Variants in TESC observed in about 807,000 individuals in gnomAD.
TESC encodes tescalcin, also known as calcineurin B homologous protein 3.
In TESC, 19 loss-of-function variants were observed where a neutral mutation model predicts 31.0. The observed-to-expected ratio is 0.61, with a 90% CI of 0.43 to 0.90. The LOEUF (loss-of-function observed/expected upper bound fraction) is 0.90. Among genes scored for constraint, TESC ranks in the 40% least tolerant of loss-of-function variants. The pLI, the probability that TESC is intolerant of heterozygous loss-of-function variation, is 0.00. For missense variants in TESC, 248 were observed against 303.8 expected (o/e 0.82, Z 1.36); for synonymous variants, 109 against 114.8 (o/e 0.95, Z 0.32).
intron 7 of TESC, among the ~76,000 whole-genome samples, chr12:117,041,339 CTTT>C (rs148886866): frequency 1.4e-4 from 21 of 146,940 alleles, no homozygotes; most frequent in African/African-American, 5.2e-4. Flanking sequence ...ACAACAGGGC[CTTT>C]TTTTTTTTGA....
At chr12:117,039,241 G>A (rs757259566) in intron 7 of TESC, 31 bp from the exon 8 acceptor site, 15 of 1,594,916 alleles carry the variant, frequency 9.4e-6, no homozygotes, top group East Asian at 2.3e-5. Context: ...TTAAGGGCAC[G>A]TTCCCGCCGC....
intron 1 of TESC, among the ~76,000 whole-genome samples, chr12:117,094,117 C>T (rs1003358635): frequency 6.6e-6 from 1 of 152,158 alleles, no homozygotes; most frequent in African/African-American, 2.4e-5. Context: ...TCAATCACAC[C>T]CCCGGGACGC....
rs189487447 is a variant in TESC at position 117,039,078 on chromosome 12, C to T, written c.*55G>A. On this transcript the variant is annotated 3_prime_UTR_variant, in exon 8 of 8. Coordinates refer to ENST00000335209, the MANE Select transcript of TESC (RefSeq NM_017899.4). Reference sequence around the variant, plus strand: ...CGCCGGGCCTGGGCTGCTCCAGCTACGCGGGGAGGCGGCCCCATTGCAAAG... The same window carrying T: ...CGCCGGGCCTGGGCTGCTCCAGCTATGCGGGGAGGCGGCCCCATTGCAAAG... 3.6e-4 allele frequency: 567 copies of T among 1,587,108 alleles called. No homozygotes were observed. The highest frequency in any genetic ancestry group is 1.7e-3 in the Admixed American group (96 of 57,292).
At chr12:117,078,606 A>G (rs1332244061) in intron 1 of TESC, among the ~76,000 whole-genome samples, 1 of 152,194 alleles carries the variant, frequency 6.6e-6, no homozygotes, top group African/African-American at 2.4e-5. Flanking sequence ...ACAGTTGTGT[A>G]TTTGCATAGA....
At chr12:117,045,641 C>A (rs1298606753) in intron 6 of TESC, among the ~76,000 whole-genome samples, 1 of 152,196 alleles carries the variant, frequency 6.6e-6, no homozygotes, top group Non-Finnish European at 1.5e-5. Context: ...AGGCCCAGGC[C>A]GGTGGCCTCA....
intron 1 of TESC, among the ~76,000 whole-genome samples, chr12:117,084,513 G>C (rs769485378): frequency 6.6e-5 from 10 of 152,260 alleles, no homozygotes; most frequent in Non-Finnish European, 1.5e-4. Flanking sequence ...GAATGCTGGG[G>C]TAAGCGCATT....
In TESC at chr12:117,039,064, G is replaced by A. The variant is rs1954442313; in HGVS notation, c.*69C>T. 4 of 1,563,124 alleles carry A rather than the reference G, an allele frequency of 2.6e-6. No individual in the cohort carries two copies. Among genetic ancestry groups the A allele is most frequent in the Non-Finnish European group, 3.5e-6 (4 of 1,147,128 alleles). ...AGGAAGAGGCTGTCCGCCGGGCCTG[G>A]GCTGCTCCAGCTACGCGGGGAGGCG... On this transcript the variant is annotated 3_prime_UTR_variant, in exon 8 of 8. Transcript: ENST00000335209.
intron 1 of TESC, among the ~76,000 whole-genome samples, chr12:117,079,108 GGTCT>G (rs1955110965): frequency 1.3e-5 from 2 of 152,056 alleles, no homozygotes; most frequent in South Asian, 4.1e-4. Flanking sequence ...ATTTGAACTT[GGTCT>G]GTCTGGCAGA....
chr12:117,077,684 G>A (rs1043807736), intron 1 of TESC, among the ~76,000 whole-genome samples: 1 of 152,200 alleles, frequency 6.6e-6, no homozygotes, highest in African/African-American at 2.4e-5. Context: ...TCAAAAACAG[G>A]CAAAACTCAA....
Position 117,043,175 on chromosome 12 carries a change from A to C in TESC, c.520-1181T>G, listed in dbSNP as rs565418344. Among the ~76,000 whole-genome samples the C allele has an allele frequency of 1.7e-4, 26 of 152,132 alleles. No homozygotes were observed. The East Asian group carries it at 4.9e-3, about 28-fold the overall frequency. ...TGGGTGTGTGGGGTCATACGGAGAA[A>C]ATGGGAAGCCACATCGGTTCGATTA... On this transcript the variant is annotated intron_variant, in intron 6 of 7. Transcript: ENST00000335209.
At chr12:117,098,459 T>G (rs2135812250) in intron 1 of TESC, 1 of 152,430 alleles carries the variant, frequency 6.6e-6, no homozygotes, top group East Asian at 1.9e-4. Flanking sequence ...CATGCCGAGT[T>G]CAGGACCCAG....
At chr12:117,059,843 C>T (rs1593003022) in intron 2 of TESC, among the ~76,000 whole-genome samples, 1 of 152,240 alleles carries the variant, frequency 6.6e-6, no homozygotes, top group African/African-American at 2.4e-5. Context: ...CCACCCACCT[C>T]AGCCTCCCAA....
chr12:117,093,949 G>A (rs1025386251), intron 1 of TESC, among the ~76,000 whole-genome samples: 2 of 151,996 alleles, frequency 1.3e-5, no homozygotes, highest in Non-Finnish European at 2.9e-5. Context: ...GGATGGGGGG[G>A]ACAGGAAGTG....
chr12:117,039,212 T>A lies in TESC; in HGVS notation c.568-2A>T. Reference sequence around the variant, plus strand: ...CTCAATGTCGATCCCCTGCCAGATCTGGAAGGGACGGAGCAGCGTTAAGGG... The same window carrying A: ...CTCAATGTCGATCCCCTGCCAGATCAGGAAGGGACGGAGCAGCGTTAAGGG... On this transcript the variant is annotated splice_acceptor_variant, in intron 7 of 7. Coordinates refer to ENST00000335209, the MANE Select transcript of TESC (RefSeq NM_017899.4). LOFTEE classifies it high-confidence loss of function. 1 of 1,613,388 alleles carries A rather than the reference T, an allele frequency of 6.2e-7. No individual in the cohort carries two copies. Among genetic ancestry groups the A allele is most frequent in the East Asian group, 2.2e-5 (1 of 44,842 alleles).
intron 2 of TESC, among the ~76,000 whole-genome samples, chr12:117,057,779 T>C (rs994404348): frequency 4.1e-4 from 62 of 152,076 alleles, no homozygotes; most frequent in Middle Eastern, 3.4e-3. Context: ...GTTTGTTTGT[T>C]TTTTGAGATG....
rs1592985923 is a variant in TESC at position 117,039,048 on chromosome 12, C to T, written c.*85G>A. On this transcript the variant is annotated 3_prime_UTR_variant, in exon 8 of 8. Coordinates refer to ENST00000335209, the MANE Select transcript of TESC (RefSeq NM_017899.4). ...TATGTACCGGCGCTGCAGGAAGAGG[C>T]TGTCCGCCGGGCCTGGGCTGCTCCA... The T allele has an allele frequency of 4.1e-6, 6 of 1,473,094 alleles. No individual in the cohort carries two copies. The East Asian group carries it at 1.5e-4, about 36-fold the overall frequency. The allele number at this position is 1,473,094 out of a possible 1,614,324, so 91.3% of individuals were successfully genotyped here.
intron 1 of TESC, among the ~76,000 whole-genome samples, chr12:117,080,084 G>A (rs1955125322): frequency 6.6e-6 from 1 of 152,120 alleles, no homozygotes; most frequent in Non-Finnish European, 1.5e-5. Context: ...AGAACTCTGG[G>A]ATGTGCCCAA....
intron 2 of TESC, among the ~76,000 whole-genome samples, chr12:117,067,408 A>G (rs561257663): frequency 6.6e-6 from 1 of 151,702 alleles, no homozygotes; most frequent in African/African-American, 2.4e-5. Context: ...CTACAAAAAA[A>G]TTTTTTTTTA....
chr12:117,048,846 C>G (rs775355022), intron 4 of TESC, 173 bp downstream of exon 4: 7 of 1,004,918 alleles, frequency 7.0e-6, no homozygotes, highest in Non-Finnish European at 7.5e-6. Flanking sequence ...GTGCCGGGAA[C>G]GGGAGACAGC....
Sources: gnomAD v4.1 joint callset for allele counts (sites outside exome capture counted in the v4.1 genomes callset) on GRCh38, gnomAD v4.1.1 for gene constraint, MANE v1.5 for transcripts, NCBI Gene and HGNC (gene_info 2026-07-23, HGNC 2026-07-21) for gene names.